Variants in SH3GL2 observed in about 807,000 individuals in gnomAD.
SH3GL2 encodes the protein endophilin-A1.
SH3GL2 carries 24 observed loss-of-function variants against 46.0 expected under a neutral mutation model. The observed-to-expected ratio is 0.52, with a 90% confidence interval of 0.38 to 0.73. SH3GL2 has a LOEUF of 0.73. Among genes scored for constraint, SH3GL2 ranks in the 30% least tolerant of loss-of-function variants. The pLI, the probability that SH3GL2 is intolerant of heterozygous loss-of-function variation, is 0.00. For missense variants in SH3GL2, 413 were observed against 424.2 expected, an observed-to-expected ratio of 0.97 and a Z score of 0.23; for synonymous variants, 196 against 147.1, an observed-to-expected ratio of 1.33 and a Z score of -2.40.
chr9:17,584,167 T>C (rs1223446400), intron 1 of SH3GL2, among the ~76,000 whole-genome samples: 1 of 152,194 alleles, frequency 6.6e-6, no homozygotes, highest in African/African-American at 2.4e-5. Context: ...TACCAGATTC[T>C]TAAATAAATT....
chr9:17,624,551 C>A (rs1267990237), intron 1 of SH3GL2, among the ~76,000 whole-genome samples: 2 of 152,072 alleles, frequency 1.3e-5, no homozygotes, highest in Non-Finnish European at 2.9e-5. Context: ...TGTGTGCACT[C>A]AAGAGTTCCC....
chr9:17,649,027 A>C (rs914631683), intron 1 of SH3GL2, among the ~76,000 whole-genome samples: 1 of 152,188 alleles, frequency 6.6e-6, no homozygotes, highest in Non-Finnish European at 1.5e-5. Context: ...GTGTATAAAA[A>C]TAAGTCTGTC....
At chr9:17,744,828 T>G (rs1356223534) in intron 1 of SH3GL2, among the ~76,000 whole-genome samples, 1 of 152,138 alleles carries the variant, frequency 6.6e-6, no homozygotes, top group Non-Finnish European at 1.5e-5. Flanking sequence ...AAATCCTAAA[T>G]CTGTGAAGAC....
chr9:17,630,462 A>C (rs1384756349), intron 1 of SH3GL2: 1 of 152,216 alleles, frequency 6.6e-6, no homozygotes, highest in African/African-American at 2.4e-5. Context: ...ACACACAAAC[A>C]CACACCCTAC....
chr9:17,604,653 A>G (rs972072416), intron 1 of SH3GL2, among the ~76,000 whole-genome samples: 2 of 152,124 alleles, frequency 1.3e-5, no homozygotes, highest in East Asian at 1.9e-4. Context: ...GTGAAGAGAG[A>G]GAGTGGAGTA....
chr9:17,604,012 CG>C (rs1272140644), intron 1 of SH3GL2, among the ~76,000 whole-genome samples: 12 of 152,064 alleles, frequency 7.9e-5, no homozygotes, highest in Non-Finnish European at 8.8e-5. Flanking sequence ...AGTCAGTCTC[CG>C]ATATGTTGTT....
At chr9:17,694,420 A>G (rs758501836) in intron 1 of SH3GL2, among the ~76,000 whole-genome samples, 4 of 152,110 alleles carry the variant, frequency 2.6e-5, no homozygotes, top group Non-Finnish European at 5.9e-5. Flanking sequence ...GGATTTCTTA[A>G]CTGTTCTATT....
chr9:17,646,678 G>T lies in SH3GL2; in HGVS notation c.45+67391G>T, dbSNP rs1438262588. ...TTGCTGGGGGGCCACTCCAGGCCCT[G>T]TTTGCCTCGGTATCACCAGCGGAGT... On this transcript the variant is annotated intron_variant, in intron 1 of 8. Coordinates refer to ENST00000380607, the MANE Select transcript of SH3GL2 (RefSeq NM_003026.5). 3.3e-5 allele frequency among the ~76,000 whole-genome samples: 5 copies of T among 152,162 alleles called. No homozygotes were observed. In the East Asian group the frequency reaches 7.7e-4, roughly 23 times the overall value.
At chr9:17,690,227 G>A (rs1422864000) in intron 1 of SH3GL2, among the ~76,000 whole-genome samples, 2 of 152,096 alleles carry the variant, frequency 1.3e-5, no homozygotes, top group African/African-American at 2.4e-5. Flanking sequence ...GCTCAGTAGC[G>A]TTTATGGGAT....
chr9:17,697,681 C>T (rs539809759), intron 1 of SH3GL2, among the ~76,000 whole-genome samples: 1 of 152,284 alleles, frequency 6.6e-6, no homozygotes, highest in South Asian at 2.1e-4. Flanking sequence ...ATAACTTTGT[C>T]ACTGAAACCA....
chr9:17,723,263 C>T (rs1164391630), intron 1 of SH3GL2, among the ~76,000 whole-genome samples: 1 of 151,972 alleles, frequency 6.6e-6, no homozygotes, highest in Non-Finnish European at 1.5e-5. Context: ...CTTCTATGTT[C>T]ACTATTTTTA....
chr9:17,720,738 A>C (rs927080652), intron 1 of SH3GL2, among the ~76,000 whole-genome samples: 1 of 152,160 alleles, frequency 6.6e-6, no homozygotes, highest in African/African-American at 2.4e-5. Context: ...TGAAGGACTT[A>C]CCACTCAGTT....
chr9:17,790,589 C>G (rs996191985), intron 6 of SH3GL2, among the ~76,000 whole-genome samples: 2 of 152,166 alleles, frequency 1.3e-5, no homozygotes, highest in Non-Finnish European at 2.9e-5. Context: ...CCTCCCCATC[C>G]CCAAATTCAT....
At position 17,770,508 on chromosome 9, in the gene SH3GL2, T is replaced by G. The variant is rs141927096; in HGVS notation, c.187+8999T>G. On this transcript the variant is annotated intron_variant, in intron 3 of 8. Transcript: ENST00000380607. ...ACACCCTTATATAATCCCTTCCCGT[T>G]GGGTGTAGATGGAACCTGTGACTTG... Among the ~76,000 whole-genome samples the G allele has an allele frequency of 3.3e-4, 50 of 152,290 alleles. 1 individual carries two copies. The East Asian group carries it at 6.8e-3, about 21-fold the overall frequency.
chr9:17,585,568 G>A (rs993142116), intron 1 of SH3GL2, among the ~76,000 whole-genome samples: 2 of 152,160 alleles, frequency 1.3e-5, no homozygotes, highest in Non-Finnish European at 2.9e-5. Context: ...GGGGGGACAC[G>A]TGGGGTGGAG....
chr9:17,680,930 T>C (rs189391240), intron 1 of SH3GL2, among the ~76,000 whole-genome samples: 88 of 151,880 alleles, frequency 5.8e-4, no homozygotes, highest in African/African-American at 2.0e-3. Flanking sequence ...TTCCGTGTAG[T>C]TGAGCAGTTT....
chr9:17,795,540 C>A lies in SH3GL2; in HGVS notation c.860-4C>A. 1.9e-6 allele frequency: 3 copies of A among 1,612,246 alleles called. No individual in the cohort carries two copies. In the South Asian group the frequency reaches 3.3e-5, roughly 18 times the overall value. ...CTTCTCTTCTCTCCTGCTCTTACTC[C>A]CAGGTGTCCAAATGGATCAGCCCTG... On this transcript the variant is annotated splice_polypyrimidine_tract_variant and splice_region_variant and intron_variant, in intron 8 of 8. Transcript: ENST00000380607.
chr9:17,642,686 G>A (rs542035193), intron 1 of SH3GL2, among the ~76,000 whole-genome samples: 1 of 152,142 alleles, frequency 6.6e-6, no homozygotes, highest in African/African-American at 2.4e-5. Context: ...TATTTCTGAG[G>A]GCTCTGTTCT....
chr9:17,593,410 C>G (rs1818519580), intron 1 of SH3GL2, among the ~76,000 whole-genome samples: 1 of 152,170 alleles, frequency 6.6e-6, no homozygotes, highest in African/African-American at 2.4e-5. Context: ...AGTGGAGAAT[C>G]ATCTGCAGAA....
Sources: gnomAD v4.1 joint callset for allele counts (sites outside exome capture counted in the v4.1 genomes callset) on GRCh38, gnomAD v4.1.1 for gene constraint, MANE v1.5 for transcripts, NCBI Gene and HGNC (gene_info 2026-07-23, HGNC 2026-07-21) for gene names.